Variants in ELOA observed in about 807,000 individuals in gnomAD.
The protein encoded by ELOA is elongin-A.
Under a neutral mutation model 85.2 loss-of-function variants are expected in ELOA, and 15 were observed. The observed-to-expected ratio is 0.18, with a 90% CI of 0.12 to 0.27. The LOEUF is 0.27. ELOA is among the 10% of genes least tolerant of loss of function. The pLI, the probability that ELOA is intolerant of heterozygous loss-of-function variation, is 1.00. For missense variants in ELOA, 769 were observed against 952.7 expected (o/e 0.81, Z 2.54); for synonymous variants, 348 against 357.2 (o/e 0.97, Z 0.29).
intron 9 of ELOA, 122 bp downstream of exon 9, chr1:23,756,507 G>A: frequency 1.2e-6 from 1 of 809,360 alleles, no homozygotes; most frequent in Non-Finnish European, 2.0e-6. Flanking sequence ...TCTGGAGGCA[G>A]ACCTCATCAG....
In ELOA at chr1:23,758,083, C is replaced by A. The variant is rs1027171529; in HGVS notation, c.2257+958C>A. 2.0e-5 allele frequency among the ~76,000 whole-genome samples: 3 copies of A among 151,548 alleles called. No homozygotes were observed. In the East Asian group the frequency reaches 5.9e-4, roughly 30 times the overall value. Reference sequence around the variant, plus strand: ...ATCATTGTGAATGACCATTTTGGCACTCTTCTTTTTTCACCTAAATATAAA... The same window carrying A: ...ATCATTGTGAATGACCATTTTGGCAATCTTCTTTTTTCACCTAAATATAAA... On this transcript the variant is annotated intron_variant, in intron 10 of 10. Coordinates refer to ENST00000613537, the MANE Select transcript of ELOA (RefSeq NM_003198.3).
At chr1:23,758,316 T>C (rs1255930212) in intron 10 of ELOA, among the ~76,000 whole-genome samples, 11 of 121,098 alleles carry the variant, frequency 9.1e-5, no homozygotes, top group African/African-American at 3.1e-4. Flanking sequence ...CTCTGTCGCC[T>C]GGGCTGGAGT....
chr1:23,752,330 C>T, intron 4 of ELOA, 77 bp from the exon 5 acceptor site: 1 of 1,403,844 alleles, frequency 7.1e-7, no homozygotes, highest in Non-Finnish European at 9.9e-7. Flanking sequence ...CCAGTTAATG[C>T]TCCCGGGAAT....
chr1:23,746,738 A>C (rs1644748981), intron 1 of ELOA, among the ~76,000 whole-genome samples: 1 of 152,120 alleles, frequency 6.6e-6, no homozygotes, highest in Non-Finnish European at 1.5e-5. Context: ...AGGATTGTAC[A>C]GGGGACAACT....
At chr1:23,757,663 T>C (rs1225824820) in intron 10 of ELOA, among the ~76,000 whole-genome samples, 1 of 152,116 alleles carries the variant, frequency 6.6e-6, no homozygotes. Context: ...CATGCCCACC[T>C]AATTTTTTCT....
chr1:23,754,469 T>TC lies in ELOA; in HGVS notation c.1791+10dup. Reference sequence around the variant, plus strand: ...TAGAGGAATACAATCATGTGAGTATTCTGTTTGGGTGGGAAGAGGGCAGTT... The same window carrying TC: ...TAGAGGAATACAATCATGTGAGTATTCCTGTTTGGGTGGGAAGAGGGCAGTT... On this transcript the variant is annotated intron_variant, in intron 7 of 10. Transcript: ENST00000613537. 6.2e-7 allele frequency: 1 copy of TC among 1,612,162 alleles called. No individual in the cohort carries two copies. Among genetic ancestry groups the TC allele is most frequent in the Non-Finnish European group, 8.5e-7 (1 of 1,178,278 alleles).
chr1:23,758,255 ATTTATTTTTT>A (rs1638235675), intron 10 of ELOA, among the ~76,000 whole-genome samples: 1 of 36,192 alleles, frequency 2.8e-5, no homozygotes, highest in Non-Finnish European at 4.6e-5. Context: ...CAATTTATTT[ATTTATTTTTT>A]TTTTTTTTTT....
intron 1 of ELOA, among the ~76,000 whole-genome samples, chr1:23,746,134 C>T (rs1031006087): frequency 1.4e-5 from 2 of 142,460 alleles, no homozygotes; most frequent in South Asian, 2.2e-4. Context: ...ACTAAAAGTA[C>T]GAAAATTAGC....
Position 23,751,015 on chromosome 1 carries a change from C to G in ELOA, c.410C>G (p.Ser137Trp). The G allele has an allele frequency of 1.2e-6, 2 of 1,614,008 alleles. No homozygotes were observed. Among genetic ancestry groups the G allele is most frequent in the Non-Finnish European group, 1.7e-6 (2 of 1,180,008 alleles). ...DHRQKKHRKL[S>W]ELERPHKVSH... ...AGGCAGAAGAAACATAGGAAACTCT[C>G]GGAGCTCGAGAGACCTCACAAAGTG... The change falls in exon 4 of 11, where the codon TCG becomes TGG. Residue 137 changes from serine to tryptophan, a missense_variant. This residue lies in a region of ELOA where 440 missense variants were observed against 474.0 expected (regional missense o/e 0.93). Coordinates refer to ENST00000613537, the MANE Select transcript of ELOA (RefSeq NM_003198.3).
At chr1:23,745,021 A>G (rs1644740367) in intron 1 of ELOA, among the ~76,000 whole-genome samples, 1 of 152,148 alleles carries the variant, frequency 6.6e-6, no homozygotes. Context: ...GCAATTCCAA[A>G]GGCCGTACAC....
Position 23,751,552 on chromosome 1 carries a change from C to T in ELOA, c.947C>T (p.Pro316Leu), listed in dbSNP as rs781318446. The T allele has an allele frequency of 5.0e-6, 8 of 1,614,116 alleles. No homozygotes were observed. The South Asian group carries it at 5.5e-5, about 11-fold the overall frequency. The change falls in exon 4 of 11, where the codon CCC (proline) becomes CTC (leucine). Residue 316 changes from proline to leucine, a missense_variant. Pro to Leu is a moderately conservative substitution (Grantham distance 98). Transcript: ENST00000613537. Reference sequence around the variant, plus strand: ...AGCCTGAAGAAGAAGTGTTTGCCTCCCTCAGAGGCCGCTTCAGACAACCAC... The same window carrying T: ...AGCCTGAAGAAGAAGTGTTTGCCTCTCTCAGAGGCCGCTTCAGACAACCAC... ...GSSLKKKCLP[P>L]SEAASDNHLK... is the part of the protein sequence containing the mutation.
At chr1:23,745,702 C>G (rs1644743173) in intron 1 of ELOA, among the ~76,000 whole-genome samples, 1 of 152,144 alleles carries the variant, frequency 6.6e-6, no homozygotes, top group Admixed American at 6.5e-5. Context: ...TCATGTTGGC[C>G]TTGTTCCTCT....
chr1:23,745,035 C>G (rs1010455907), intron 1 of ELOA, among the ~76,000 whole-genome samples: 2 of 152,216 alleles, frequency 1.3e-5, no homozygotes, highest in African/African-American at 4.8e-5. Flanking sequence ...CGTACACAGC[C>G]TCTCACCATC....
At chr1:23,745,512 A>ATT (rs780220676) in intron 1 of ELOA, among the ~76,000 whole-genome samples, 2,532 of 142,968 alleles carry the variant, frequency 0.018, 67 homozygotes, top group African/African-American at 0.061. Flanking sequence ...ACTATTAATG[A>ATT]TTTTTTTTTT....
At chr1:23,759,436 C>A in intron 10 of ELOA, 76 bp from the exon 11 acceptor site, 1 of 1,453,310 alleles carries the variant, frequency 6.9e-7, no homozygotes, top group Non-Finnish European at 9.7e-7. Context: ...GCAGAGCTGG[C>A]TTTGACTGTA....
At chr1:23,744,849 G>C (rs1375213211) in intron 1 of ELOA, among the ~76,000 whole-genome samples, 1 of 152,172 alleles carries the variant, frequency 6.6e-6, no homozygotes, top group Non-Finnish European at 1.5e-5. Flanking sequence ...CTGCTCTGCT[G>C]AGCCTCTTCC....
intron 3 of ELOA, 120 bp downstream of exon 3, chr1:23,750,068 A>G: frequency 1.4e-6 from 1 of 715,578 alleles, no homozygotes; most frequent in Non-Finnish European, 2.2e-6. Context: ...ATAAAAAATA[A>G]TCCATGATCA....
In ELOA at chr1:23,750,976, A is replaced by T; in HGVS notation, c.371A>T (p.Tyr124Phe). 2 of 1,614,076 alleles carry T rather than the reference A, an allele frequency of 1.2e-6. No individual in the cohort carries two copies. Among genetic ancestry groups the T allele is most frequent in the Non-Finnish European group, 1.7e-6 (2 of 1,180,032 alleles). The change falls in exon 4 of 11, where the codon TAT (tyrosine) becomes TTT (phenylalanine). Residue 124 changes from tyrosine (Y) to phenylalanine (F), a missense_variant. Tyr to Phe is a conservative substitution (Grantham distance 22). This residue lies in a region of ELOA where 440 missense variants were observed against 474.0 expected (regional missense o/e 0.93). Coordinates refer to ENST00000613537, the MANE Select transcript of ELOA (RefSeq NM_003198.3). ...TGGAAAGCCACGGGGAGCCGATCCT[A>T]TAGCCCTGACCACAGGCAGAAGAAA... ...ETWKATGSRSYSPDHRQKKHR... is the reference protein window; with the variant it reads ...ETWKATGSRSFSPDHRQKKHR...
In ELOA at chr1:23,755,798, T is replaced by C. The variant is rs560850377; in HGVS notation, c.1792-45T>C. ...CTGTCTCAAAAAAAAAAAAAAAATA[T>C]GGAAAAGTGCTTGTACACAAATGAT... is the stretch of plus-strand genomic sequence containing the variant. On this transcript the variant is annotated intron_variant, in intron 7 of 10. Transcript: ENST00000613537. 8.2e-5 allele frequency: 117 copies of C among 1,419,118 alleles called. 2 individuals carry two copies. The South Asian group carries it at 1.5e-3, about 18-fold the overall frequency. The allele number at this position is 1,419,118 out of a possible 1,614,324, so 87.9% of individuals were successfully genotyped here. A position where few individuals can be genotyped will look rare whatever the true frequency, so the allele number is the denominator to read the frequency against.
Sources: allele counts gnomAD v4.1 joint callset (sites outside exome capture counted in the v4.1 genomes callset), GRCh38; gene constraint gnomAD v4.1.1; regional missense constraint gnomAD v4.1.1; transcripts MANE v1.5; gene names NCBI Gene and HGNC (gene_info 2026-07-23, HGNC 2026-07-21).